The following GLRX3 variants were observed in gnomAD, a reference collection of about 807,000 sequenced individuals.
GLRX3 encodes glutaredoxin 3.
GLRX3 carries 22 observed loss-of-function variants against 49.5 expected under a neutral mutation model. The ratio of observed to expected loss-of-function variants is 0.44; its 90% CI spans 0.32 to 0.63. The LOEUF (loss-of-function observed/expected upper bound fraction) is 0.63. Ranked by LOEUF, GLRX3 falls within the 30% of genes least tolerant of loss-of-function variation. The pLI is 0.05. For missense variants in GLRX3, 385 were observed against 396.3 expected (o/e 0.97, Z 0.24); for synonymous variants, 133 against 140.0 (o/e 0.95, Z 0.35).
intron 4 of GLRX3, among the ~76,000 whole-genome samples, chr10:130,165,293 G>T (rs1440291017): frequency 6.6e-6 from 1 of 152,114 alleles, no homozygotes; most frequent in Non-Finnish European, 1.5e-5. Context: ...GAACAATGGA[G>T]AAGAATTAGC....
chr10:130,166,587 G>A lies in GLRX3; in HGVS notation c.559G>A (p.Val187Ile), dbSNP rs565905520. The part of the protein sequence containing the change: ...SSFDIFSDEE[V>I]RQGLKAYSSW... Reference sequence around the variant, plus strand: ...TTTTGATATCTTCTCAGATGAAGAGGTTCGACAGGGACTCAAAGCCTATTC... The same window carrying A: ...TTTTGATATCTTCTCAGATGAAGAGATTCGACAGGGACTCAAAGCCTATTC... The change falls in exon 5 of 11, where the codon GTT becomes ATT. Residue 187 changes from valine to isoleucine, a missense_variant. Coordinates refer to ENST00000331244, the MANE Select transcript of GLRX3 (RefSeq NM_006541.5). The A allele has an allele frequency of 1.2e-6, 2 of 1,609,838 alleles. No homozygotes were observed. Among genetic ancestry groups the A allele is most frequent in the African/African-American group, 1.3e-5 (1 of 74,930 alleles).
chr10:130,138,820 C>T (rs997128774), intron 1 of GLRX3, among the ~76,000 whole-genome samples: 6 of 148,410 alleles, frequency 4.0e-5, no homozygotes, highest in African/African-American at 1.5e-4. Flanking sequence ...TTTAAAAAGT[C>T]CTTAAACTAT....
intron 7 of GLRX3, 39 bp from the exon 8 acceptor site, chr10:130,171,545 T>A: frequency 8.8e-7 from 1 of 1,136,414 alleles, no homozygotes; most frequent in Non-Finnish European, 1.3e-6. Flanking sequence ...GCTTGGGTCA[T>A]ACAAAAATTG....
chr10:130,143,178 C>G (rs1266856944), intron 1 of GLRX3, among the ~76,000 whole-genome samples: 1 of 152,158 alleles, frequency 6.6e-6, no homozygotes, highest in African/African-American at 2.4e-5. Context: ...AAATCCTGCC[C>G]CTTCTACCTT....
chr10:130,153,648 C>A (rs1397737257), intron 2 of GLRX3, among the ~76,000 whole-genome samples: 1 of 152,188 alleles, frequency 6.6e-6, no homozygotes, highest in Non-Finnish European at 1.5e-5. Flanking sequence ...GCAAATATTG[C>A]TGCCTGATCC....
At chr10:130,148,013 A>G (rs955069408) in intron 2 of GLRX3, among the ~76,000 whole-genome samples, 5 of 152,086 alleles carry the variant, frequency 3.3e-5, no homozygotes, top group Admixed American at 3.3e-4. Flanking sequence ...GAGTGATACC[A>G]TGTCTCAAAA....
At chr10:130,159,710 A>G in intron 2 of GLRX3, 1 of 685,802 alleles carries the variant, frequency 1.5e-6, no homozygotes, top group South Asian at 4.4e-5. Context: ...TTGAAAATTT[A>G]CTAGGTCACT....
rs191437177 is a variant in GLRX3, at chr10:130,179,518, T to C, written c.*126T>C. 1.5e-6 allele frequency: 1 copy of C among 669,798 alleles called. No homozygotes were observed. The highest frequency in any genetic ancestry group is 2.9e-5 in the Admixed American group (1 of 34,784). The allele number at this position is 669,798 out of a possible 1,614,324, so 41.5% of individuals were successfully genotyped here. A position where few individuals can be genotyped will look rare whatever the true frequency, so the allele number is the denominator to read the frequency against. On this transcript the variant is annotated 3_prime_UTR_variant, in exon 11 of 11. Coordinates refer to ENST00000331244, the MANE Select transcript of GLRX3 (RefSeq NM_006541.5). ...CCTGCTTTCTCAGTTACATGTTTTG[T>C]GTATTTCACAATGTCGTGCTAAATA...
chr10:130,152,935 C>T (rs1862406744), intron 2 of GLRX3, among the ~76,000 whole-genome samples: 1 of 152,188 alleles, frequency 6.6e-6, no homozygotes, highest in Non-Finnish European at 1.5e-5. Flanking sequence ...CTTTCAGGTA[C>T]ACCAATCAAA....
chr10:130,168,153 G>T (rs1411192132), intron 6 of GLRX3, among the ~76,000 whole-genome samples: 2 of 152,128 alleles, frequency 1.3e-5, no homozygotes, highest in Admixed American at 1.3e-4. Flanking sequence ...GAATTATGTC[G>T]GAAGGAAAAT....
intron 8 of GLRX3, among the ~76,000 whole-genome samples, chr10:130,173,668 C>T (rs1293766005): frequency 2.0e-5 from 3 of 152,114 alleles, no homozygotes; most frequent in Non-Finnish European, 2.9e-5. Context: ...TTGTATAACT[C>T]ATTGTTTTTA....
chr10:130,141,777 G>A (rs990695305), intron 1 of GLRX3, among the ~76,000 whole-genome samples: 1 of 152,142 alleles, frequency 6.6e-6, no homozygotes, highest in African/African-American at 2.4e-5. Flanking sequence ...CTTGCATGAG[G>A]CCTCTGTGAA....
chr10:130,180,294 C>T (rs1206491437), downstream of GLRX3: 1 of 152,120 alleles, frequency 6.6e-6, no homozygotes, highest in Non-Finnish European at 1.5e-5. Context: ...TCTCCTGCCT[C>T]AGCCTCCCAA....
chr10:130,143,434 T>TGAC (rs1862211783), intron 1 of GLRX3, among the ~76,000 whole-genome samples: 1 of 152,238 alleles, frequency 6.6e-6, no homozygotes, highest in South Asian at 2.1e-4. Context: ...TAGTTGGATA[T>TGAC]GACCATAGAT....
intron 2 of GLRX3, among the ~76,000 whole-genome samples, chr10:130,157,702 G>A (rs534240860): frequency 6.6e-6 from 1 of 151,924 alleles, no homozygotes; most frequent in Admixed American, 6.6e-5. Flanking sequence ...TACTTACTAA[G>A]TTGAAATGAT....
chr10:130,150,621 C>T (rs888391723), intron 2 of GLRX3, among the ~76,000 whole-genome samples: 1 of 152,058 alleles, frequency 6.6e-6, no homozygotes, highest in Non-Finnish European at 1.5e-5. Flanking sequence ...TTTGAAAGTG[C>T]GACTATCTTA....
At chr10:130,161,061 G>GATCA in intron 4 of GLRX3, 64 bp downstream of exon 4, 1 of 1,065,228 alleles carries the variant, frequency 9.4e-7, no homozygotes, top group South Asian at 1.3e-5. Flanking sequence ...GGGTATGGTT[G>GATCA]AGATGGGCAT....
intron 2 of GLRX3, among the ~76,000 whole-genome samples, chr10:130,147,040 A>G (rs890562326): frequency 6.6e-6 from 1 of 152,236 alleles, no homozygotes; most frequent in Non-Finnish European, 1.5e-5. Context: ...TTAATTTTGT[A>G]TGAATCCTTC....
intron 1 of GLRX3, among the ~76,000 whole-genome samples, chr10:130,142,857 A>T (rs2134871706): frequency 6.6e-6 from 1 of 152,082 alleles, no homozygotes; most frequent in East Asian, 1.9e-4. Context: ...TTTACTACAT[A>T]AGTTCCTTCT....
Sources: gnomAD v4.1 joint callset for allele counts (sites outside exome capture counted in the v4.1 genomes callset) on GRCh38, gnomAD v4.1.1 for gene constraint, MANE v1.5 for transcripts, NCBI Gene and HGNC (gene_info 2026-07-23, HGNC 2026-07-21) for gene names.